ELOC: variants seen among roughly 807,000 people sequenced by gnomAD.
ELOC encodes elongin C.
For synonymous variants in ELOC, 40 were observed against 51.3 expected, an observed-to-expected ratio of 0.78 and a Z score of 0.94; for missense variants, 38 against 139.0, an observed-to-expected ratio of 0.27 and a Z score of 3.65.
At chr8:73,968,998 G>A (rs1443321833) in intron 1 of ELOC, among the ~76,000 whole-genome samples, 1 of 152,166 alleles carries the variant, frequency 6.6e-6, no homozygotes, top group African/African-American at 2.4e-5. Context: ...AGTGCTCCCA[G>A]TCATCTGCCT....
At chr8:73,971,032 CA>C (rs67188912) in intron 1 of ELOC, among the ~76,000 whole-genome samples, 10,499 of 61,822 alleles carry the variant, frequency 0.17, 270 homozygotes, top group East Asian at 0.3. Flanking sequence ...GACTCCGTCT[CA>C]AAAAAAAAAA....
intron 1 of ELOC, among the ~76,000 whole-genome samples, chr8:73,961,200 G>A (rs2131147673): frequency 6.6e-6 from 1 of 152,218 alleles, no homozygotes; most frequent in South Asian, 2.1e-4. Context: ...TTTATTCAGG[G>A]GATCTCATTT....
intron 1 of ELOC, among the ~76,000 whole-genome samples, chr8:73,963,838 A>C (rs1173932757): frequency 6.6e-6 from 1 of 152,216 alleles, no homozygotes; most frequent in Non-Finnish European, 1.5e-5. Context: ...CACGCCTATA[A>C]TCCCAGCACT....
intron 3 of ELOC, among the ~76,000 whole-genome samples, chr8:73,951,061 A>G (rs972135651): frequency 2.6e-5 from 4 of 152,166 alleles, no homozygotes; most frequent in Non-Finnish European, 1.5e-5. Flanking sequence ...GCTTGAGGTC[A>G]GGAGTTCAAG....
chr8:73,958,794 G>A lies in ELOC; in HGVS notation c.4+971C>T, dbSNP rs76673779. Among the ~76,000 whole-genome samples, 25 of 152,246 alleles carry A rather than the reference G, an allele frequency of 1.6e-4. No individual in the cohort carries two copies. The East Asian group carries it at 4.6e-3, about 28-fold the overall frequency. ...CGATATTATTACTGATCTGCCTGTC[G>A]GGAATATATAGTCATGCATTGCTTA... On this transcript the variant is annotated intron_variant, in intron 2 of 3. Coordinates refer to ENST00000520242, the MANE Select transcript of ELOC (RefSeq NM_005648.4).
chr8:73,947,466 TA>T (rs1813454260), intron 3 of ELOC, among the ~76,000 whole-genome samples: 1 of 152,242 alleles, frequency 6.6e-6, no homozygotes, highest in African/African-American at 2.4e-5. Context: ...TCAAGCCATC[TA>T]GGGGTGGTAC....
intron 3 of ELOC, among the ~76,000 whole-genome samples, chr8:73,953,856 C>T (rs1813952172): frequency 6.6e-6 from 1 of 152,080 alleles, no homozygotes; most frequent in Non-Finnish European, 1.5e-5. Context: ...CCCAAAAGAA[C>T]TCAAAGCAGG....
At position 73,945,880 on chromosome 8, in the gene ELOC, GAATA is replaced by G. The variant is rs1813351456; in HGVS notation, c.*746_*749del. On this transcript the variant is annotated 3_prime_UTR_variant, in exon 4 of 4. Coordinates refer to ENST00000520242, the MANE Select transcript of ELOC (RefSeq NM_005648.4). ...ATCACAACAAGGGACTATGAAGGAA[GAATA>G]AATATTGCAAACGACGCTTTATAGT... is the stretch of plus-strand genomic sequence containing the variant. 2.6e-5 allele frequency: 4 copies of G among 151,680 alleles called. No homozygotes were observed. Among genetic ancestry groups the G allele is most frequent in the Non-Finnish European group, 4.4e-5 (3 of 68,004 alleles). 9.4% of individuals were successfully genotyped at this position (151,680 alleles called of 1,614,324 possible). A position where few individuals can be genotyped will look rare whatever the true frequency, so the allele number is the denominator to read the frequency against.
chr8:73,951,132 G>A (rs764697027), intron 3 of ELOC, among the ~76,000 whole-genome samples: 5 of 152,112 alleles, frequency 3.3e-5, no homozygotes, highest in African/African-American at 1.2e-4. Flanking sequence ...TTAGCTGGGC[G>A]TGGTGGCGGC....
intron 3 of ELOC, 104 bp downstream of exon 3, chr8:73,955,807 G>A: frequency 8.0e-7 from 1 of 1,250,500 alleles, no homozygotes; most frequent in Non-Finnish European, 1.1e-6. Flanking sequence ...AACAATGTTA[G>A]AAGACTTATT....
chr8:73,956,099 T>TACTAAA, intron 2 of ELOC, 45 bp from the exon 3 acceptor site: 4 of 1,577,334 alleles, frequency 2.5e-6, no homozygotes, highest in South Asian at 1.1e-5. Context: ...TCACACAGTG[T>TACTAAA]ACTAAAACTA....
intron 3 of ELOC, among the ~76,000 whole-genome samples, chr8:73,952,772 G>GAAAA (rs34157631): frequency 2.9e-5 from 4 of 138,980 alleles, no homozygotes; most frequent in East Asian, 2.1e-4. Context: ...CAGGTGTCTC[G>GAAAA]AAAAAAAAAA....
At chr8:73,952,214 G>A (rs1813818173) in intron 3 of ELOC, among the ~76,000 whole-genome samples, 1 of 151,972 alleles carries the variant, frequency 6.6e-6, no homozygotes, top group African/African-American at 2.4e-5. Flanking sequence ...GACCAGCCTG[G>A]CCAACACGGT....
intron 1 of ELOC, chr8:73,964,535 C>T (rs1814837694): frequency 6.6e-6 from 1 of 152,152 alleles, no homozygotes; most frequent in Non-Finnish European, 1.5e-5. Context: ...GTGGCTCACA[C>T]CTGCAATCGC....
At chr8:73,968,968 T>C (rs1815177172) in intron 1 of ELOC, among the ~76,000 whole-genome samples, 1 of 152,248 alleles carries the variant, frequency 6.6e-6, no homozygotes, top group Non-Finnish European at 1.5e-5. Flanking sequence ...TCCATTACTG[T>C]ATGCTCCTCT....
intron 3 of ELOC, among the ~76,000 whole-genome samples, chr8:73,950,947 A>T (rs1813712635): frequency 6.6e-6 from 1 of 152,194 alleles, no homozygotes; most frequent in South Asian, 2.1e-4. Flanking sequence ...GAAATACTCC[A>T]AAAAAGTAGG....
chr8:73,960,116 AATGTGAC>A (rs1449450096), intron 1 of ELOC, among the ~76,000 whole-genome samples: 17 of 152,344 alleles, frequency 1.1e-4, no homozygotes, highest in African/African-American at 3.8e-4. Context: ...GAGGTTGTAA[AATGTGAC>A]ATGTTAAAAG....
At chr8:73,962,079 A>G (rs1212791353) in intron 1 of ELOC, among the ~76,000 whole-genome samples, 1 of 151,768 alleles carries the variant, frequency 6.6e-6, no homozygotes, top group Non-Finnish European at 1.5e-5. Flanking sequence ...TATTTTCAGT[A>G]GAGACGGGGT....
At chr8:73,952,843 G>C (rs1586597298) in intron 3 of ELOC, among the ~76,000 whole-genome samples, 1 of 151,084 alleles carries the variant, frequency 6.6e-6, no homozygotes, top group Admixed American at 6.6e-5. Flanking sequence ...GTCTACTACT[G>C]AGAATTAATA....
Sources: gnomAD v4.1 joint callset for allele counts (sites outside exome capture counted in the v4.1 genomes callset) on GRCh38, gnomAD v4.1.1 for gene constraint, MANE v1.5 for transcripts, NCBI Gene and HGNC (gene_info 2026-07-23, HGNC 2026-07-21) for gene names.